Variants in SPOCK1 observed in about 807,000 individuals in gnomAD.
SPOCK1 encodes testican-1.
Under a neutral mutation model 55.3 loss-of-function variants are expected in SPOCK1, and 23 were observed. The ratio of observed to expected loss-of-function variants is 0.42; its 90% CI spans 0.30 to 0.59. SPOCK1 has a LOEUF of 0.59. SPOCK1 is among the 20% of genes least tolerant of loss of function. The pLI is 0.22. For synonymous variants in SPOCK1, 226 were observed against 221.0 expected (o/e 1.02, Z -0.20); for missense variants, 499 against 552.5 (o/e 0.90, Z 0.97).
chr5:137,231,398 T>A (rs1176801412), intron 3 of SPOCK1, among the ~76,000 whole-genome samples: 1 of 152,184 alleles, frequency 6.6e-6, no homozygotes, highest in Non-Finnish European at 1.5e-5. Flanking sequence ...TGCCCCCTTG[T>A]TCCCCTACTA....
At chr5:137,070,662 G>C (rs1040763625) in intron 5 of SPOCK1, among the ~76,000 whole-genome samples, 3 of 152,164 alleles carry the variant, frequency 2.0e-5, no homozygotes, top group Non-Finnish European at 2.9e-5. Flanking sequence ...TCCCTGAGAC[G>C]CCTCTTTGAG....
chr5:137,191,456 T>C (rs12055205), intron 3 of SPOCK1, among the ~76,000 whole-genome samples: 61,112 of 152,074 alleles, frequency 0.4, 13,323 homozygotes, highest in Non-Finnish European at 0.48. Context: ...AACCGTACTC[T>C]AGGGTTTAGC....
intron 2 of SPOCK1, among the ~76,000 whole-genome samples, chr5:137,367,471 C>T (rs7712488): frequency 0.066 from 10,119 of 152,216 alleles, 641 homozygotes; most frequent in African/African-American, 0.16. Flanking sequence ...ACCTGGGGGA[C>T]ACTTTCCTGT....
At chr5:137,067,345 T>C (rs1459200618) in intron 6 of SPOCK1, among the ~76,000 whole-genome samples, 2 of 152,140 alleles carry the variant, frequency 1.3e-5, no homozygotes, top group African/African-American at 4.8e-5. Context: ...AGTCTCTGTT[T>C]TGATATTTGG....
chr5:137,459,711 C>G (rs903024902), intron 2 of SPOCK1, among the ~76,000 whole-genome samples: 1 of 152,126 alleles, frequency 6.6e-6, no homozygotes, highest in Admixed American at 6.5e-5. Flanking sequence ...AAGTGCCCTG[C>G]GCTCCAGGAG....
chr5:137,471,723 C>T (rs933938543), intron 2 of SPOCK1, among the ~76,000 whole-genome samples: 15 of 152,142 alleles, frequency 9.9e-5, no homozygotes, highest in African/African-American at 3.1e-4. Context: ...ATCAGACCCA[C>T]GGCAAAGTGC....
At chr5:137,293,452 C>A (rs1368817990) in intron 2 of SPOCK1, among the ~76,000 whole-genome samples, 1 of 151,724 alleles carries the variant, frequency 6.6e-6, no homozygotes, top group Non-Finnish European at 1.5e-5. Flanking sequence ...TCTAGAGCTT[C>A]AAATCTCAAA....
In SPOCK1 at chr5:137,140,702, A is replaced by G. The variant is rs1754077629; in HGVS notation, c.233-8T>C. 1 of 1,563,668 alleles carries G rather than the reference A, an allele frequency of 6.4e-7. No individual in the cohort carries two copies. The highest frequency in any genetic ancestry group is 2.3e-5 in the East Asian group (1 of 42,740). ...CCTTGGATGGGTCCAGGGCTGAGGCAAAAACAAGAAGGAGGGCAGGGTTTA... is the reference window on the plus strand; with the variant it reads ...CCTTGGATGGGTCCAGGGCTGAGGCGAAAACAAGAAGGAGGGCAGGGTTTA... On this transcript the variant is annotated splice_region_variant and splice_polypyrimidine_tract_variant and intron_variant, in intron 3 of 10. Transcript: ENST00000394945.
chr5:137,409,420 G>A (rs1451462398), intron 2 of SPOCK1, among the ~76,000 whole-genome samples: 1 of 152,174 alleles, frequency 6.6e-6, no homozygotes, highest in African/African-American at 2.4e-5. Context: ...TGGGCTAAAG[G>A]AAATCTGGAG....
chr5:137,041,130 G>A (rs537485153), intron 6 of SPOCK1, among the ~76,000 whole-genome samples: 1 of 152,258 alleles, frequency 6.6e-6, no homozygotes, highest in South Asian at 2.1e-4. Flanking sequence ...AATAAAGGCA[G>A]CATGGTTGTG....
At chr5:137,075,059 G>A (rs556368381) in intron 5 of SPOCK1, among the ~76,000 whole-genome samples, 62 of 151,904 alleles carry the variant, frequency 4.1e-4, no homozygotes, top group African/African-American at 1.3e-3. Flanking sequence ...GGCTGTTTTC[G>A]AACTCCTGAC....
At chr5:137,144,527 T>C (rs1282309898) in intron 3 of SPOCK1, among the ~76,000 whole-genome samples, 2 of 152,222 alleles carry the variant, frequency 1.3e-5, no homozygotes, top group Non-Finnish European at 2.9e-5. Flanking sequence ...AATCAAGCTG[T>C]CAGCATTTGT....
intron 6 of SPOCK1, among the ~76,000 whole-genome samples, chr5:137,019,312 G>A (rs946368765): frequency 4.6e-5 from 7 of 151,978 alleles, no homozygotes; most frequent in African/African-American, 1.2e-4. Flanking sequence ...TAATTTTAAC[G>A]TTTTGCTATA....
intron 6 of SPOCK1, among the ~76,000 whole-genome samples, chr5:137,026,545 T>G (rs1751678783): frequency 1.3e-5 from 2 of 152,248 alleles, no homozygotes; most frequent in Admixed American, 6.5e-5. Flanking sequence ...GATGTTGGAC[T>G]TTCCAGCTGC....
intron 2 of SPOCK1, among the ~76,000 whole-genome samples, chr5:137,356,528 G>C (rs1257253781): frequency 6.6e-6 from 1 of 151,562 alleles, no homozygotes; most frequent in Non-Finnish European, 1.5e-5. Context: ...GGTGGTTCAG[G>C]CTTGTAATCC....
At chr5:137,412,741 C>A (rs1036817640) in intron 2 of SPOCK1, among the ~76,000 whole-genome samples, 7 of 152,296 alleles carry the variant, frequency 4.6e-5, no homozygotes, top group South Asian at 4.2e-4. Flanking sequence ...CTGTGTTGCC[C>A]TTCACAGGCC....
At chr5:137,320,913 G>C (rs1348057716) in intron 2 of SPOCK1, among the ~76,000 whole-genome samples, 1 of 152,016 alleles carries the variant, frequency 6.6e-6, no homozygotes, top group Non-Finnish European at 1.5e-5. Flanking sequence ...TCCAGAAATT[G>C]GTCCTAAAGA....
chr5:137,169,966 T>G (rs911152283), intron 3 of SPOCK1, among the ~76,000 whole-genome samples: 3 of 152,280 alleles, frequency 2.0e-5, no homozygotes, highest in Admixed American at 2.0e-4. Flanking sequence ...ATCTCAAAAT[T>G]TTACAGGGAA....
At chr5:137,221,131 A>G (rs1755839946) in intron 3 of SPOCK1, among the ~76,000 whole-genome samples, 1 of 152,232 alleles carries the variant, frequency 6.6e-6, no homozygotes, top group African/African-American at 2.4e-5. Context: ...CAATTTTAAA[A>G]GGATTCACAA....
Sources: gnomAD v4.1 joint callset for allele counts (sites outside exome capture counted in the v4.1 genomes callset) on GRCh38, gnomAD v4.1.1 for gene constraint, MANE v1.5 for transcripts, NCBI Gene and HGNC (gene_info 2026-07-23, HGNC 2026-07-21) for gene names.